Variants in PLXNA4 observed in about 807,000 individuals in gnomAD.
PLXNA4 encodes plexin A4.
Under a neutral mutation model 191.8 loss-of-function variants are expected in PLXNA4, and 44 were observed. That is an observed-to-expected ratio of 0.23 (90% CI 0.18 to 0.29). The LOEUF (loss-of-function observed/expected upper bound fraction) is 0.29, where lower values mean the gene tolerates loss of function less well. Among genes scored for constraint, PLXNA4 ranks in the 10% least tolerant of loss-of-function variants. The pLI, the probability that PLXNA4 is intolerant of heterozygous loss-of-function variation, is 1.00. For missense variants in PLXNA4, 1,800 were observed against 2,488.8 expected (o/e 0.72, Z 5.89); for synonymous variants, 1,082 against 1,009.5 (o/e 1.07, Z -1.36).
At chr7:132,290,385 CT>C (rs1415416733) in intron 4 of PLXNA4, among the ~76,000 whole-genome samples, 1 of 152,232 alleles carries the variant, frequency 6.6e-6, no homozygotes, top group African/African-American at 2.4e-5. Context: ...TGCTTCTCCC[CT>C]GGTAGGGGTC....
intron 4 of PLXNA4, among the ~76,000 whole-genome samples, chr7:132,270,484 G>T (rs745731643): frequency 8.3e-4 from 126 of 152,302 alleles, no homozygotes; most frequent in Non-Finnish European, 6.2e-4. Context: ...AGAAAGTAAA[G>T]GTTGTTCCTT....
chr7:132,562,910 CCT>C (rs1801315097), intron 1 of PLXNA4, among the ~76,000 whole-genome samples: 1 of 117,386 alleles, frequency 8.5e-6, no homozygotes, highest in East Asian at 2.8e-4. Context: ...CCCTCCTCCT[CCT>C]CTTCCTCCTC....
At chr7:132,203,493 G>T in intron 10 of PLXNA4, 74 bp from the exon 11 acceptor site, 1 of 1,320,712 alleles carries the variant, frequency 7.6e-7, no homozygotes, top group Non-Finnish European at 1.1e-6. Flanking sequence ...CAAATGATCA[G>T]CCTACGGCCG....
chr7:132,329,166 T>A (rs1802491119), intron 3 of PLXNA4, among the ~76,000 whole-genome samples: 1 of 152,154 alleles, frequency 6.6e-6, no homozygotes. Flanking sequence ...AAAGGACACC[T>A]TTTTGTCGGC....
chr7:132,620,699 C>G (rs1029054346), intron 2 of PLXNA4, among the ~76,000 whole-genome samples: 1 of 152,180 alleles, frequency 6.6e-6, no homozygotes, highest in Admixed American at 6.5e-5. Context: ...TAATAGGATA[C>G]CTTTTGCTCT....
intron 4 of PLXNA4, among the ~76,000 whole-genome samples, chr7:132,284,015 T>G (rs562772629): frequency 6.6e-6 from 1 of 152,174 alleles, no homozygotes; most frequent in South Asian, 2.1e-4. Flanking sequence ...CTACACAAAA[T>G]TTTTAAAAAT....
intron 2 of PLXNA4, among the ~76,000 whole-genome samples, chr7:132,500,842 T>A (rs984909834): frequency 6.6e-6 from 1 of 152,176 alleles, no homozygotes; most frequent in Admixed American, 6.5e-5. Flanking sequence ...TTCTTGAAGA[T>A]AAAATGTGTG....
intron 3 of PLXNA4, among the ~76,000 whole-genome samples, chr7:132,364,482 T>C (rs1348564349): frequency 6.6e-6 from 1 of 152,172 alleles, no homozygotes. Context: ...GCTGCCTGGA[T>C]GCAGCCCAGC....
chr7:132,555,175 G>A (rs770767228), intron 1 of PLXNA4, among the ~76,000 whole-genome samples: 2 of 152,068 alleles, frequency 1.3e-5, no homozygotes, highest in Non-Finnish European at 2.9e-5. Context: ...TCTGAGCACA[G>A]ATTGAATATA....
intron 3 of PLXNA4, among the ~76,000 whole-genome samples, chr7:132,484,082 TTGAG>T (rs1563125702): frequency 6.6e-6 from 1 of 152,144 alleles, no homozygotes. Flanking sequence ...AAAAGGGTGA[TTGAG>T]TGAGGGCTTA....
chr7:132,422,870 T>TG (rs1335693662), intron 3 of PLXNA4, among the ~76,000 whole-genome samples: 8 of 152,290 alleles, frequency 5.3e-5, no homozygotes, highest in Admixed American at 5.2e-4. Flanking sequence ...CCCCAGAAGA[T>TG]GGACAAACGT....
At chr7:132,634,360 C>T (rs1803552846) in intron 2 of PLXNA4, among the ~76,000 whole-genome samples, 1 of 152,140 alleles carries the variant, frequency 6.6e-6, no homozygotes, top group Non-Finnish European at 1.5e-5. Context: ...GTCTCATTCA[C>T]TGGCTCCAGG....
At chr7:132,562,055 C>T in intron 1 of PLXNA4, among the ~76,000 whole-genome samples, 1 of 125,842 alleles carries the variant, frequency 7.9e-6, no homozygotes, top group Admixed American at 7.5e-5. Context: ...CCTCCTCTCC[C>T]TCCTCCTTCT....
chr7:132,408,621 A>G (rs933032510), intron 3 of PLXNA4, among the ~76,000 whole-genome samples: 8 of 151,968 alleles, frequency 5.3e-5, no homozygotes, highest in Admixed American at 1.3e-4. Flanking sequence ...GTGCCACCAC[A>G]TCTGGCTAAT....
At chr7:132,210,875 T>A (rs1049879756) in intron 10 of PLXNA4, 68 bp downstream of exon 10, 41 of 1,545,518 alleles carry the variant, frequency 2.7e-5, no homozygotes, top group Non-Finnish European at 3.4e-5. Flanking sequence ...ATTTGGCTCC[T>A]AGAAGACAAC....
intron 4 of PLXNA4, among the ~76,000 whole-genome samples, chr7:132,282,296 G>C (rs1040727911): frequency 6.6e-6 from 1 of 152,154 alleles, no homozygotes; most frequent in African/African-American, 2.4e-5. Context: ...ATATAGGCCA[G>C]GTGCAATGGC....
At position 132,200,092 on chromosome 7, in the gene PLXNA4, G is replaced by C. The variant is rs62469725; in HGVS notation, c.2587-1456C>G. 3.5e-3 allele frequency among the ~76,000 whole-genome samples: 539 copies of C among 152,324 alleles called. 2 individuals carry two copies. The highest frequency in any genetic ancestry group is 6.2e-3 in the Non-Finnish European group (421 of 68,036). ...CTCCATGATATTCTAGCCCTGGCTT[G>C]TCATACTGAAAAAGGAGTTTTATCT... is the stretch of plus-strand genomic sequence containing the variant. On this transcript the variant is annotated intron_variant, in intron 12 of 31. Coordinates refer to ENST00000321063, the MANE Select transcript of PLXNA4 (RefSeq NM_020911.2).
chr7:132,156,344 G>A (rs1172991245), intron 25 of PLXNA4, among the ~76,000 whole-genome samples: 1 of 152,194 alleles, frequency 6.6e-6, no homozygotes, highest in Non-Finnish European at 1.5e-5. Context: ...GAATAGACAT[G>A]TCAGGAGTGA....
At chr7:132,331,523 G>A (rs10255945) in intron 3 of PLXNA4, among the ~76,000 whole-genome samples, 29 of 152,356 alleles carry the variant, frequency 1.9e-4, no homozygotes, top group African/African-American at 6.7e-4. Flanking sequence ...GAAGGTGACA[G>A]CATCTCTCTC....
Sources: allele counts gnomAD v4.1 joint callset (sites outside exome capture counted in the v4.1 genomes callset), GRCh38; gene constraint gnomAD v4.1.1; transcripts MANE v1.5; gene names NCBI Gene and HGNC (gene_info 2026-07-23, HGNC 2026-07-21).